The following TRAPPC3 variants were observed in gnomAD, a reference collection of about 807,000 sequenced individuals.
TRAPPC3 encodes the protein trafficking protein particle complex 3.
A neutral mutation model predicts 18.2 loss-of-function variants in TRAPPC3; 5 were observed. The ratio of observed to expected loss-of-function variants is 0.28; its 90% CI spans 0.14 to 0.58. TRAPPC3 has a LOEUF of 0.58. Among genes scored for constraint, TRAPPC3 ranks in the 20% least tolerant of loss-of-function variants. The probability of loss-of-function intolerance (pLI) is 0.91; values close to 1 mark genes in which losing one functional copy is unlikely to be tolerated. For synonymous variants in TRAPPC3, 65 were observed against 84.2 expected, an observed-to-expected ratio of 0.77 and a Z score of 1.25; for missense variants, 176 against 225.9, an observed-to-expected ratio of 0.78 and a Z score of 1.41.
At chr1:36,138,134 A>C (rs1195825418) in intron 3 of TRAPPC3, 156 bp from the exon 4 acceptor site, 3 of 1,554,408 alleles carry the variant, frequency 1.9e-6, no homozygotes, top group Non-Finnish European at 2.6e-6. Flanking sequence ...ACAAAGGAGA[A>C]GCATCTGTAC....
At chr1:36,154,403 T>C (rs1347049587), upstream of TRAPPC3, among the ~76,000 whole-genome samples, 1 of 151,964 alleles carries the variant, frequency 6.6e-6, no homozygotes, top group African/African-American at 2.4e-5. Context: ...GGGTGGGAGG[T>C]GGGAGAAGAA....
intron 1 of TRAPPC3, chr1:36,155,625 C>T (rs1041253318): frequency 1.3e-5 from 2 of 153,088 alleles, no homozygotes; most frequent in Admixed American, 6.5e-5. Flanking sequence ...GCTCCCAGAC[C>T]TGTCCCCAGC....
chr1:36,148,127 A>G (rs1208491468), intron 1 of TRAPPC3, among the ~76,000 whole-genome samples: 2 of 152,210 alleles, frequency 1.3e-5, no homozygotes, highest in Admixed American at 6.5e-5. Context: ...ACCAAGGTCC[A>G]TGTGTTTCCC....
chr1:36,153,025 A>G (rs1355146328), upstream of TRAPPC3, among the ~76,000 whole-genome samples: 1 of 152,148 alleles, frequency 6.6e-6, no homozygotes, highest in African/African-American at 2.4e-5. Flanking sequence ...TGAAAGGAAC[A>G]GCTCACTCAT....
chr1:36,142,842 C>T (rs994714989), intron 1 of TRAPPC3, among the ~76,000 whole-genome samples: 12 of 152,058 alleles, frequency 7.9e-5, no homozygotes, highest in Admixed American at 6.6e-5. Context: ...CCAGCCTGGG[C>T]AAACACTGAG....
intron 1 of TRAPPC3, among the ~76,000 whole-genome samples, chr1:36,154,647 C>T (rs1173017666): frequency 6.6e-6 from 1 of 152,148 alleles, no homozygotes; most frequent in African/African-American, 2.4e-5. Flanking sequence ...CTCATCAATG[C>T]CTTCATCACC....
chr1:36,155,849 C>T (rs922768207), intron 1 of TRAPPC3: 1 of 152,328 alleles, frequency 6.6e-6, no homozygotes, highest in Non-Finnish European at 1.5e-5. Context: ...TCCCCCAGTC[C>T]CCGCGGCGGG....
At chr1:36,152,295 CTTT>C (rs11364641), upstream of TRAPPC3, among the ~76,000 whole-genome samples, 1,905 of 135,542 alleles carry the variant, frequency 0.014, 36 homozygotes, top group African/African-American at 0.048. Flanking sequence ...ATTTCTTTTT[CTTT>C]TTTTTTTTTT....
At chr1:36,155,195 C>T (rs1047854148) in intron 1 of TRAPPC3, among the ~76,000 whole-genome samples, 4 of 152,192 alleles carry the variant, frequency 2.6e-5, no homozygotes, top group African/African-American at 9.7e-5. Flanking sequence ...CCCTCCTCCT[C>T]CCCCGCAACC....
intron 1 of TRAPPC3, among the ~76,000 whole-genome samples, chr1:36,144,225 T>C (rs1380885037): frequency 1.6e-5 from 2 of 128,680 alleles, no homozygotes; most frequent in Non-Finnish European, 3.1e-5. Flanking sequence ...GAGGCGGAGG[T>C]TGCGGTAAGC....
intron 1 of TRAPPC3, among the ~76,000 whole-genome samples, chr1:36,148,311 T>C (rs368018087): frequency 1.3e-5 from 2 of 152,024 alleles, no homozygotes; most frequent in East Asian, 1.9e-4. Context: ...AATACAAAAA[T>C]TGGTCAGGCG....
chr1:36,143,804 C>T (rs1195834266), intron 1 of TRAPPC3, among the ~76,000 whole-genome samples: 1 of 152,194 alleles, frequency 6.6e-6, no homozygotes, highest in Non-Finnish European at 1.5e-5. Context: ...TTATCCTAAG[C>T]CACTGCTTAA....
At chr1:36,146,276 A>G (rs1570099550) in intron 1 of TRAPPC3, among the ~76,000 whole-genome samples, 1 of 142,410 alleles carries the variant, frequency 7.0e-6, no homozygotes, top group Non-Finnish European at 1.5e-5. Flanking sequence ...ATGGGGTTTC[A>G]CCATGTTGGC....
intron 4 of TRAPPC3, 100 bp from the exon 5 acceptor site, chr1:36,137,422 A>G (rs570508879): frequency 1.3e-4 from 168 of 1,288,694 alleles, no homozygotes; most frequent in Non-Finnish European, 1.5e-4. Flanking sequence ...GCATCCAAAA[A>G]AGGGGGGCTG....
At chr1:36,153,195 G>A (rs1470902764), upstream of TRAPPC3, among the ~76,000 whole-genome samples, 3 of 152,150 alleles carry the variant, frequency 2.0e-5, no homozygotes, top group African/African-American at 7.2e-5. Flanking sequence ...CTCCTTCTCT[G>A]GGATGTCTAT....
In TRAPPC3 at chr1:36,149,445, G is replaced by A. The variant is rs1644250320; in HGVS notation, c.-67C>T. ...CTCGGCGACCCCTGCAGACGCCGGA[G>A]CCTAAGCCGCTGCCCCTCAGCCCAC... On this transcript the variant is annotated 5_prime_UTR_variant, in exon 1 of 5. Coordinates refer to ENST00000373166, the MANE Select transcript of TRAPPC3 (RefSeq NM_014408.5). 9 of 1,585,754 alleles carry A rather than the reference G, an allele frequency of 5.7e-6. No homozygotes were observed. The highest frequency in any genetic ancestry group is 2.7e-5 in the African/African-American group (2 of 74,416).
chr1:36,137,083 G>C lies in TRAPPC3; in HGVS notation c.*120C>G, dbSNP rs1047175263. The C allele has an allele frequency of 1.6e-6, 2 of 1,224,640 alleles. No individual in the cohort carries two copies. The highest frequency in any genetic ancestry group is 1.5e-5 in the African/African-American group (1 of 66,708). The allele number at this position is 1,224,640 out of a possible 1,614,324, so 75.9% of individuals were successfully genotyped here. On this transcript the variant is annotated 3_prime_UTR_variant, in exon 5 of 5. Coordinates refer to ENST00000373166, the MANE Select transcript of TRAPPC3 (RefSeq NM_014408.5). Reference sequence around the variant, plus strand: ...TTATTTGAATGGAGAATGGAAACAGGTTATAAGAATATATAACATCCATGT... The same window carrying C: ...TTATTTGAATGGAGAATGGAAACAGCTTATAAGAATATATAACATCCATGT...
At chr1:36,148,086 T>C (rs1331357900) in intron 1 of TRAPPC3, among the ~76,000 whole-genome samples, 1 of 152,214 alleles carries the variant, frequency 6.6e-6, no homozygotes, top group Non-Finnish European at 1.5e-5. Context: ...GATAAAGAAA[T>C]TGAAGATCAA....
At chr1:36,149,041 C>G in intron 1 of TRAPPC3, 4 of 1,315,854 alleles carry the variant, frequency 3.0e-6, no homozygotes, top group African/African-American at 3.2e-5. Context: ...TGGCCCGGTG[C>G]CCAACACATA....
Sources: gnomAD v4.1 joint callset for allele counts (sites outside exome capture counted in the v4.1 genomes callset) on GRCh38, gnomAD v4.1.1 for gene constraint, MANE v1.5 for transcripts, NCBI Gene and HGNC (gene_info 2026-07-23, HGNC 2026-07-21) for gene names.